The following CEP126 variants were observed in gnomAD, a reference collection of about 807,000 sequenced individuals.
CEP126 encodes the protein centrosomal protein of 126 kDa.
CEP126 carries 74 observed loss-of-function variants against 107.8 expected under a neutral mutation model. The ratio of observed to expected loss-of-function variants is 0.69; its 90% CI spans 0.57 to 0.83. The LOEUF (loss-of-function observed/expected upper bound fraction) is 0.83, where lower values mean the gene tolerates loss of function less well. Ranked by LOEUF, CEP126 falls within the 40% of genes least tolerant of loss-of-function variation. The pLI, the probability that CEP126 is intolerant of heterozygous loss-of-function variation, is 0.00. For missense variants in CEP126, 1,237 were observed against 1,281.9 expected, an observed-to-expected ratio of 0.96 and a Z score of 0.53; for synonymous variants, 449 against 446.0, an observed-to-expected ratio of 1.01 and a Z score of -0.08.
chr11:101,986,871 TA>T lies in CEP126; in HGVS notation c.3075del (p.Val1026Ter). On this transcript the variant is annotated frameshift_variant, in exon 9 of 11. Transcript: ENST00000263468. LOFTEE classifies it high-confidence loss of function. ...STSEFLMAEN[L>X]VKASVPEDEI... ...TCTGAGTTTTTGATGGCTGAAAACTTAGTGAAAGCATCAGTGCCGGAGGATG... is the reference window on the plus strand; with the variant it reads ...TCTGAGTTTTTGATGGCTGAAAACTTGTGAAAGCATCAGTGCCGGAGGATG... 2 of 1,613,830 alleles carry T rather than the reference TA, an allele frequency of 1.2e-6. No homozygotes were observed. The highest frequency in any genetic ancestry group is 4.5e-5 in the East Asian group (2 of 44,784).
At position 101,915,172 on chromosome 11, in the gene CEP126, C is replaced by T; in HGVS notation, c.-113C>T. On this transcript the variant is annotated 5_prime_UTR_variant, in exon 1 of 11. It adds an upstream start codon to the 5' untranslated region. Coordinates refer to ENST00000263468, the MANE Select transcript of CEP126 (RefSeq NM_020802.4). ...GAGGCCAACCCTTCCGCGCCCGTGA[C>T]GCGGGGCCTGAGAGACGGAGTGTAG... 2 of 1,492,338 alleles carry T rather than the reference C, an allele frequency of 1.3e-6. No homozygotes were observed. Among genetic ancestry groups the T allele is most frequent in the Non-Finnish European group, 1.8e-6 (2 of 1,103,434 alleles). 92.4% of individuals were successfully genotyped at this position (1,492,338 alleles called of 1,614,324 possible). A position where few individuals can be genotyped will look rare whatever the true frequency, so the allele number is the denominator to read the frequency against.
rs193142770 is a variant in CEP126 at position 102,000,854 on chromosome 11, A to T, written c.*3211A>T. ...AAAATTGGCATCAGGAAGGATTACC[A>T]TGAACTTATTTTAAATCCATATTGT... On this transcript the variant is annotated 3_prime_UTR_variant, in exon 11 of 11. Transcript: ENST00000263468. 6.6e-5 allele frequency: 10 copies of T among 152,220 alleles called. No homozygotes were observed. The highest frequency in any genetic ancestry group is 2.2e-4 in the African/African-American group (9 of 41,454). 9.4% of individuals were successfully genotyped at this position (152,220 alleles called of 1,614,324 possible). A position where few individuals can be genotyped will look rare whatever the true frequency, so the allele number is the denominator to read the frequency against.
chr11:101,987,882 T>C (rs1007998447), intron 9 of CEP126, among the ~76,000 whole-genome samples: 2 of 151,960 alleles, frequency 1.3e-5, no homozygotes, highest in East Asian at 3.9e-4. Context: ...TTGGGAAAAG[T>C]ACATTTATGT....
intron 5 of CEP126, among the ~76,000 whole-genome samples, chr11:101,959,754 G>GA (rs1228241786): frequency 6.6e-6 from 1 of 152,070 alleles, no homozygotes; most frequent in Non-Finnish European, 1.5e-5. Context: ...TATCAGAAAT[G>GA]AAAAATTGAC....
At chr11:101,964,140 T>G (rs1420771016) in intron 6 of CEP126, among the ~76,000 whole-genome samples, 2 of 150,446 alleles carry the variant, frequency 1.3e-5, no homozygotes, top group African/African-American at 4.9e-5. Context: ...ATCCCATCTC[T>G]ACTAATAGAA....
intron 3 of CEP126, among the ~76,000 whole-genome samples, chr11:101,946,410 A>C (rs972957367): frequency 2.0e-5 from 3 of 152,150 alleles, no homozygotes; most frequent in African/African-American, 2.4e-5. Context: ...CAGGAGGCTG[A>C]AGTGGGAGGG....
chr11:101,948,072 C>A lies in CEP126; in HGVS notation c.436C>A (p.Gln146Lys). Residue 146 changes from glutamine to lysine, a missense_variant, in exon 4 of 11, where the codon CAA becomes AAA. This residue lies in a region of CEP126 where 1,134 missense variants were observed against 1,150.5 expected (regional missense o/e 0.99). Coordinates refer to ENST00000263468, the MANE Select transcript of CEP126 (RefSeq NM_020802.4). The stretch of plus-strand genomic sequence containing the variant: ...TCCTCCATTAGAAGAGGCCCTCAAA[C>A]AAATTCAGGAATCCAACTTAAAATC... ...PVPPLEEALK[Q>K]IQESNLKSEV... 6.2e-7 allele frequency: 1 copy of A among 1,611,962 alleles called. No individual in the cohort carries two copies. Among genetic ancestry groups the A allele is most frequent in the South Asian group, 1.1e-5 (1 of 90,788 alleles).
intron 4 of CEP126, among the ~76,000 whole-genome samples, chr11:101,952,106 C>G (rs1260756620): frequency 1.3e-5 from 2 of 152,086 alleles, no homozygotes; most frequent in Non-Finnish European, 2.9e-5. Flanking sequence ...GGGTATTTAT[C>G]TGAGACAAAC....
Position 101,979,477 on chromosome 11 carries a change from G to C in CEP126, c.2958+1018G>C, listed in dbSNP as rs77308751. Among the ~76,000 whole-genome samples, 818 of 152,274 alleles carry C rather than the reference G, an allele frequency of 5.4e-3. 5 individuals are homozygous for C. The highest frequency in any genetic ancestry group is 0.019 in the African/African-American group (778 of 41,542). ...AATTTTAAAATAATGGCCAGGCGTG[G>C]TGGCTCATGCCTGTAGTCCCAGCAG... On this transcript the variant is annotated intron_variant, in intron 7 of 10. Coordinates refer to ENST00000263468, the MANE Select transcript of CEP126 (RefSeq NM_020802.4).
chr11:101,958,239 A>G lies in CEP126; in HGVS notation c.578A>G (p.Lys193Arg), dbSNP rs146349473. ...DHKHQKQLLS[K>R]INCEKEMNEN... is the part of the protein sequence containing the mutation. ...AAGCATCAGAAACAACTCTTATCCA[A>G]AATCAATTGTGAGAAAGAAATGAAT... The change falls in exon 5 of 11, where the codon AAA becomes AGA. Residue 193 changes from lysine to arginine, a missense_variant. By Grantham distance (26) the Lys-to-Arg change is conservative. Transcript: ENST00000263468. 3.1e-4 allele frequency: 500 copies of G among 1,613,902 alleles called. 1 individual carries two copies. Among genetic ancestry groups the G allele is most frequent in the Non-Finnish European group, 3.9e-4 (461 of 1,179,940 alleles).
chr11:101,992,321 CTGAAT>C (rs1941394859), intron 9 of CEP126, among the ~76,000 whole-genome samples: 1 of 151,608 alleles, frequency 6.6e-6, no homozygotes, highest in Non-Finnish European at 1.5e-5. Context: ...AAGATTCTGC[CTGAAT>C]TATTTTTCTT....
Position 101,962,447 on chromosome 11 carries a change from C to T in CEP126, c.1412C>T (p.Ser471Leu). 1.2e-6 allele frequency: 2 copies of T among 1,613,722 alleles called. No individual in the cohort carries two copies. The highest frequency in any genetic ancestry group is 1.7e-6 in the Non-Finnish European group (2 of 1,179,792). Residue 471 changes from serine (S) to leucine (L), a missense_variant, in exon 6 of 11, where the codon TCA becomes TTA. Ser to Leu is a moderately radical substitution (Grantham distance 145, BLOSUM62 -2). Coordinates refer to ENST00000263468, the MANE Select transcript of CEP126 (RefSeq NM_020802.4). ...TTAGTTTTGCCATCTAATATACAGT[C>T]AGCTAGACCTTCAGCAAAGAACAGT... ...TPLVLPSNIQ[S>L]ARPSAKNSIH...
chr11:101,991,206 C>G (rs1016112697), intron 9 of CEP126, among the ~76,000 whole-genome samples: 1 of 151,564 alleles, frequency 6.6e-6, no homozygotes, highest in African/African-American at 2.4e-5. Flanking sequence ...ACAAACAGCT[C>G]AAATTCCCTA....
intron 6 of CEP126, among the ~76,000 whole-genome samples, chr11:101,970,067 T>C (rs1941107904): frequency 6.6e-6 from 1 of 152,310 alleles, no homozygotes; most frequent in African/African-American, 2.4e-5. Flanking sequence ...GATTGATCAA[T>C]TGTAGATTAA....
At chr11:101,952,488 G>GTAAC (rs1287369389) in intron 4 of CEP126, among the ~76,000 whole-genome samples, 2 of 152,164 alleles carry the variant, frequency 1.3e-5, no homozygotes, top group Admixed American at 1.3e-4. Flanking sequence ...ATATGCTTTG[G>GTAAC]TAACTGTTTA....
intron 10 of CEP126, among the ~76,000 whole-genome samples, chr11:101,995,377 A>G (rs769500116): frequency 2.0e-5 from 3 of 152,194 alleles, no homozygotes; most frequent in Middle Eastern, 3.2e-3. Flanking sequence ...ATGGATACAC[A>G]TTGGAATCAC....
chr11:101,924,408 G>A (rs1384981706), intron 2 of CEP126, among the ~76,000 whole-genome samples: 13 of 151,782 alleles, frequency 8.6e-5, no homozygotes, highest in Admixed American at 8.5e-4. Flanking sequence ...TGGTCACAGA[G>A]GATTTTTTTG....
intron 1 of CEP126, among the ~76,000 whole-genome samples, chr11:101,917,028 A>ATG (rs57573389): frequency 0.05 from 6,825 of 135,952 alleles, 180 homozygotes; most frequent in Non-Finnish European, 0.06. Context: ...AAATCCAACA[A>ATG]TGTGTGTGTG....
At chr11:101,996,782 G>A (rs1387572690) in intron 10 of CEP126, among the ~76,000 whole-genome samples, 1 of 152,138 alleles carries the variant, frequency 6.6e-6, no homozygotes, top group Non-Finnish European at 1.5e-5. Flanking sequence ...AAACTGGAGA[G>A]GGAAGCAGGG....
Sources: gnomAD v4.1 joint callset for allele counts (sites outside exome capture counted in the v4.1 genomes callset) on GRCh38, gnomAD v4.1.1 for gene constraint, gnomAD v4.1.1 regional missense constraint, MANE v1.5 for transcripts, NCBI Gene and HGNC (gene_info 2026-07-23, HGNC 2026-07-21) for gene names.